DCLK1: variants seen among roughly 807,000 people sequenced by gnomAD.
DCLK1 encodes serine/threonine-protein kinase DCLK1.
Under a neutral mutation model 86.2 loss-of-function variants are expected in DCLK1, and 16 were observed. The ratio of observed to expected loss-of-function variants is 0.19; its 90% CI spans 0.13 to 0.28. The LOEUF is 0.28. Among genes scored for constraint, DCLK1 ranks in the 10% least tolerant of loss-of-function variants. DCLK1 has a pLI of 1.00. For synonymous variants in DCLK1, 369 were observed against 370.5 expected, an observed-to-expected ratio of 1.00 and a Z score of 0.05; for missense variants, 590 against 940.2, an observed-to-expected ratio of 0.63 and a Z score of 4.87.
At chr13:35,913,456 A>G (rs2153125194) in intron 4 of DCLK1, among the ~76,000 whole-genome samples, 2 of 152,286 alleles carry the variant, frequency 1.3e-5, no homozygotes, top group Middle Eastern at 6.8e-3. Flanking sequence ...ATTCTTTAAC[A>G]TTTGGCACTT....
In DCLK1 at chr13:36,126,046, G is replaced by A. The variant is rs1368532243; in HGVS notation, c.92C>T (p.Pro31Leu). 6.2e-7 allele frequency: 1 copy of A among 1,613,580 alleles called. No homozygotes were observed. ...YSRGSRVNGL[P>L]SPTHSAHCSF... is the part of the protein sequence containing the mutation. The stretch of plus-strand genomic sequence containing the variant: ...GCAGTGGGCGCTGTGCGTCGGGCTC[G>A]GCAGGCCGTTCACCCGCGACCCTCG... Residue 31 changes from proline (P) to leucine (L), a missense_variant, in exon 2 of 17, where the codon CCG (proline) becomes CTG (leucine). Transcript: ENST00000360631.
At chr13:35,843,433 A>G (rs1869961541) in intron 6 of DCLK1, among the ~76,000 whole-genome samples, 1 of 152,206 alleles carries the variant, frequency 6.6e-6, no homozygotes, top group South Asian at 2.1e-4. Flanking sequence ...GCTTGGGATC[A>G]TATAACAGAT....
intron 4 of DCLK1, among the ~76,000 whole-genome samples, chr13:35,910,679 C>T (rs1397891324): frequency 6.6e-6 from 1 of 152,170 alleles, no homozygotes; most frequent in Non-Finnish European, 1.5e-5. Flanking sequence ...CCAGGGGCCG[C>T]TGTGGCAGCA....
chr13:35,932,576 G>A (rs766083429), intron 4 of DCLK1, among the ~76,000 whole-genome samples: 49 of 152,280 alleles, frequency 3.2e-4, no homozygotes, highest in South Asian at 8.3e-4. Flanking sequence ...AGCAAGTAAC[G>A]TCTTATATGG....
chr13:35,898,780 C>T (rs1243648502), intron 4 of DCLK1, among the ~76,000 whole-genome samples: 7 of 151,960 alleles, frequency 4.6e-5, no homozygotes, highest in African/African-American at 1.5e-4. Context: ...CCTGCTCTGT[C>T]GCCCAGGATG....
Position 35,884,020 on chromosome 13 carries a change from C to T in DCLK1, c.824-12680G>A, listed in dbSNP as rs138429566. On this transcript the variant is annotated intron_variant, in intron 4 of 16. Transcript: ENST00000360631. Reference sequence around the variant, plus strand: ...GATTCCCTGCCCTTCCCTGAACCTACTATATTAGACTCATTGGAGGTAGAA... The same window carrying T: ...GATTCCCTGCCCTTCCCTGAACCTATTATATTAGACTCATTGGAGGTAGAA... Among the ~76,000 whole-genome samples, 605 of 152,250 alleles carry T rather than the reference C, an allele frequency of 4.0e-3. 2 individuals are homozygous for T. The highest frequency in any genetic ancestry group is 0.01 in the Middle Eastern group (3 of 294).
At chr13:35,864,081 C>T (rs926056065) in intron 5 of DCLK1, among the ~76,000 whole-genome samples, 6 of 152,110 alleles carry the variant, frequency 3.9e-5, no homozygotes, top group Non-Finnish European at 8.8e-5. Flanking sequence ...ACTATAGATT[C>T]TCAATGCATA....
At chr13:35,793,177 C>A (rs560760256) in intron 16 of DCLK1, among the ~76,000 whole-genome samples, 189 bp downstream of exon 16, 14 of 152,024 alleles carry the variant, frequency 9.2e-5, no homozygotes, top group African/African-American at 3.4e-4. Context: ...GATGTGATGC[C>A]CAGGGAAATG....
intron 4 of DCLK1, among the ~76,000 whole-genome samples, chr13:35,890,293 T>C (rs941324824): frequency 6.6e-6 from 1 of 152,168 alleles, no homozygotes; most frequent in Non-Finnish European, 1.5e-5. Flanking sequence ...TACCAGTATG[T>C]ATATGTGTGT....
At chr13:36,061,101 C>T (rs7325034) in intron 3 of DCLK1, among the ~76,000 whole-genome samples, 10,471 of 152,048 alleles carry the variant, frequency 0.069, 640 homozygotes, top group African/African-American at 0.16. Context: ...GTGGTGATGG[C>T]GATGATGGGG....
At chr13:35,884,765 T>C (rs1452410127) in intron 4 of DCLK1, among the ~76,000 whole-genome samples, 1 of 151,980 alleles carries the variant, frequency 6.6e-6, no homozygotes, top group Non-Finnish European at 1.5e-5. Flanking sequence ...AAAGTGGAAA[T>C]GGTTGGAGTT....
intron 3 of DCLK1, among the ~76,000 whole-genome samples, chr13:35,976,959 G>C (rs1186495187): frequency 1.3e-5 from 2 of 152,140 alleles, no homozygotes; most frequent in Non-Finnish European, 2.9e-5. Context: ...AATTAACAAA[G>C]CCTCAGGAAG....
intron 3 of DCLK1, among the ~76,000 whole-genome samples, chr13:36,029,168 G>A (rs556940878): frequency 1.5e-4 from 23 of 152,218 alleles, no homozygotes; most frequent in African/African-American, 4.8e-4. Context: ...GGTCTGGATC[G>A]GGACTCTTTC....
At chr13:35,886,391 G>T (rs1470263799) in intron 4 of DCLK1, among the ~76,000 whole-genome samples, 1 of 152,130 alleles carries the variant, frequency 6.6e-6, no homozygotes, top group Non-Finnish European at 1.5e-5. Context: ...CTGGGCAATG[G>T]TTTAGATACT....
chr13:35,835,474 C>A (rs1238089381), intron 8 of DCLK1, among the ~76,000 whole-genome samples: 7 of 152,182 alleles, frequency 4.6e-5, no homozygotes, highest in Non-Finnish European at 1.5e-5. Flanking sequence ...CGTCTAGTAG[C>A]CACCAGCTAA....
intron 6 of DCLK1, chr13:35,847,428 A>G (rs1246137208): frequency 2.0e-6 from 2 of 985,042 alleles, no homozygotes; most frequent in Non-Finnish European, 2.4e-6. Context: ...ATACTTACAG[A>G]AGCATACCCA....
intron 11 of DCLK1, among the ~76,000 whole-genome samples, chr13:35,817,586 T>A (rs577174226): frequency 6.6e-6 from 1 of 152,274 alleles, no homozygotes; most frequent in African/African-American, 2.4e-5. Flanking sequence ...AAGAAAGTTA[T>A]CCCGTCCTCC....
intron 3 of DCLK1, among the ~76,000 whole-genome samples, chr13:36,045,934 C>T (rs1249953225): frequency 2.0e-5 from 3 of 151,958 alleles, no homozygotes; most frequent in Non-Finnish European, 2.9e-5. Context: ...AGTAAATCAA[C>T]ACTTTAACTT....
rs56051973 is a variant in DCLK1 at position 35,886,525 on chromosome 13, T to C, written c.824-15185A>G. Among the ~76,000 whole-genome samples the C allele has an allele frequency of 4.9e-3, 749 of 152,252 alleles. 3 individuals are homozygous for C. The highest frequency in any genetic ancestry group is 8.3e-3 in the Non-Finnish European group (563 of 68,020). ...GATGTTGCACAAGCAATGCCACTTT[T>C]CTAAAAGTGTTCGGAAGAGTGCCAC... On this transcript the variant is annotated intron_variant, in intron 4 of 16. Coordinates refer to ENST00000360631, the MANE Select transcript of DCLK1 (RefSeq NM_001330071.2).
Sources: gnomAD v4.1 joint callset for allele counts (sites outside exome capture counted in the v4.1 genomes callset) on GRCh38, gnomAD v4.1.1 for gene constraint, MANE v1.5 for transcripts, NCBI Gene and HGNC (gene_info 2026-07-23, HGNC 2026-07-21) for gene names.